The following CHRM5 variants were observed in gnomAD, a reference collection of about 807,000 sequenced individuals.
The protein encoded by CHRM5 is cholinergic receptor muscarinic 5, also known as muscarinic acetylcholine receptor M5.
In CHRM5, 18 loss-of-function variants were observed where a neutral mutation model predicts 39.0. That is an observed-to-expected ratio of 0.46 (90% CI 0.32 to 0.68). The LOEUF (loss-of-function observed/expected upper bound fraction) is 0.68, where lower values mean the gene tolerates loss of function less well. Ranked by LOEUF, CHRM5 falls within the 30% of genes least tolerant of loss-of-function variation. CHRM5 has a pLI of 0.04. For missense variants in CHRM5, 515 were observed against 651.1 expected (o/e 0.79, Z 2.28); for synonymous variants, 241 against 246.3 (o/e 0.98, Z 0.20).
chr15:34,058,119 G>A (rs1900219761), intron 2 of CHRM5, among the ~76,000 whole-genome samples: 2 of 152,146 alleles, frequency 1.3e-5, no homozygotes, highest in Admixed American at 6.6e-5. Context: ...CGGCACCTCA[G>A]TCTTCCCTTA....
At chr15:33,977,256 C>T (rs1052659752) in intron 1 of CHRM5, among the ~76,000 whole-genome samples, 17 of 151,908 alleles carry the variant, frequency 1.1e-4, no homozygotes, top group African/African-American at 4.1e-4. Context: ...TTTAGGATAA[C>T]AAGAACAAGC....
chr15:34,042,970 A>G (rs1413772287), intron 1 of CHRM5, among the ~76,000 whole-genome samples: 1 of 151,910 alleles, frequency 6.6e-6, no homozygotes, highest in Non-Finnish European at 1.5e-5. Flanking sequence ...TGGATTGGCC[A>G]GGCGCGGTGG....
chr15:33,991,198 G>A (rs865816767), intron 1 of CHRM5: 1 of 152,038 alleles, frequency 6.6e-6, no homozygotes, highest in African/African-American at 2.4e-5. Context: ...AGTGTTTGAC[G>A]GTATTAAATC....
At chr15:34,051,779 A>C (rs1043052130) in intron 2 of CHRM5, among the ~76,000 whole-genome samples, 1 of 152,136 alleles carries the variant, frequency 6.6e-6, no homozygotes, top group African/African-American at 2.4e-5. Context: ...CCCTCCCAAG[A>C]CTGAACCAAG....
In CHRM5 at chr15:34,003,149, A is replaced by C. The variant is rs1897204093; in HGVS notation, c.-408+33999A>C. ...CAGTTAGAGACAATCTTTCTTTTAG[A>C]ATAATTTCCCTGTTCATCATTCTCT... On this transcript the variant is annotated intron_variant, in intron 1 of 2. Transcript: ENST00000383263. 6.2e-7 allele frequency: 1 copy of C among 1,613,732 alleles called. No individual in the cohort carries two copies. Among genetic ancestry groups the C allele is most frequent in the Non-Finnish European group, 8.5e-7 (1 of 1,179,918 alleles).
intron 1 of CHRM5, among the ~76,000 whole-genome samples, chr15:34,038,550 T>C (rs1049504468): frequency 1.3e-5 from 2 of 151,308 alleles, no homozygotes; most frequent in Admixed American, 1.3e-4. Flanking sequence ...CTACCCCCAC[T>C]GTCTCGCGCC....
chr15:34,006,725 A>AC (rs1567462513), intron 1 of CHRM5, among the ~76,000 whole-genome samples: 1 of 152,178 alleles, frequency 6.6e-6, no homozygotes, highest in Non-Finnish European at 1.5e-5. Flanking sequence ...GGATCTCATT[A>AC]CCCCTACACA....
chr15:33,995,201 C>T (rs1455418991), intron 1 of CHRM5, among the ~76,000 whole-genome samples: 1 of 152,050 alleles, frequency 6.6e-6, no homozygotes, highest in Non-Finnish European at 1.5e-5. Context: ...GAGGTCAAGG[C>T]TGCAGTGAGC....
chr15:33,985,859 G>A (rs488762), intron 1 of CHRM5, among the ~76,000 whole-genome samples: 142,242 of 152,166 alleles, frequency 0.93, 67,083 homozygotes, highest in Non-Finnish European at 1. Flanking sequence ...TTCAAGAAAT[G>A]TTCAGTGAAA....
intron 1 of CHRM5, among the ~76,000 whole-genome samples, chr15:34,034,901 T>G (rs1899046209): frequency 2.6e-5 from 4 of 152,068 alleles, no homozygotes; most frequent in Admixed American, 2.6e-4. Context: ...AAAAGGAAAA[T>G]AAAGTCTAGA....
chr15:34,017,352 G>A (rs938130150), intron 1 of CHRM5, among the ~76,000 whole-genome samples: 1 of 151,792 alleles, frequency 6.6e-6, no homozygotes, highest in Admixed American at 6.6e-5. Flanking sequence ...ATTCCCCAAA[G>A]AATGACATTT....
At chr15:33,987,182 C>G (rs1012504333) in intron 1 of CHRM5, among the ~76,000 whole-genome samples, 1 of 152,188 alleles carries the variant, frequency 6.6e-6, no homozygotes, top group Non-Finnish European at 1.5e-5. Context: ...TGAGGATATT[C>G]TTTCCATCCC....
rs935270322 is a variant in CHRM5, at chr15:33,968,725, A to G, written c.-833A>G. On this transcript the variant is annotated 5_prime_UTR_variant, in exon 1 of 3. It adds an upstream start codon to the 5' untranslated region. Transcript: ENST00000383263. ...GAACATCCATGCTTCTAGTCCAGAT[A>G]ATGTTTTTTAAAGCAGCTTGATTTG... The G allele has an allele frequency of 2.6e-5, 4 of 152,106 alleles. No individual in the cohort carries two copies. The highest frequency in any genetic ancestry group is 5.9e-5 in the Non-Finnish European group (4 of 67,978). The allele number at this position is 152,106 out of a possible 1,614,324, so 9.4% of individuals were successfully genotyped here.
intron 2 of CHRM5, among the ~76,000 whole-genome samples, chr15:34,056,888 A>C (rs1044848115): frequency 2.6e-5 from 4 of 152,070 alleles, no homozygotes; most frequent in Admixed American, 6.6e-5. Context: ...ACCAGAAAAA[A>C]ATTAGCTAGG....
chr15:34,048,202 A>C (rs1466269888), intron 2 of CHRM5, among the ~76,000 whole-genome samples: 2 of 152,240 alleles, frequency 1.3e-5, no homozygotes, highest in African/African-American at 4.8e-5. Flanking sequence ...CAGGACCCGG[A>C]TCCATTCCTC....
chr15:33,976,655 G>A (rs948606946), intron 1 of CHRM5, among the ~76,000 whole-genome samples: 4 of 151,830 alleles, frequency 2.6e-5, no homozygotes. Context: ...AGGCATAATG[G>A]TATATCTCCA....
chr15:34,059,529 C>T (rs1900267535), intron 2 of CHRM5, among the ~76,000 whole-genome samples: 1 of 152,172 alleles, frequency 6.6e-6, no homozygotes, highest in Non-Finnish European at 1.5e-5. Flanking sequence ...TGACTTTTCT[C>T]TTAGGTCCTC....
At chr15:34,015,506 T>A (rs374379841) in intron 1 of CHRM5, among the ~76,000 whole-genome samples, 3 of 151,956 alleles carry the variant, frequency 2.0e-5, no homozygotes, top group African/African-American at 7.3e-5. Context: ...AATAAAAAAA[T>A]TCCACAAAAT....
At position 34,003,013 on chromosome 15, in the gene CHRM5, A is replaced by G. The variant is rs541255245; in HGVS notation, c.-408+33863A>G. 15 of 1,601,400 alleles carry G rather than the reference A, an allele frequency of 9.4e-6. No individual in the cohort carries two copies. In the Admixed American group the frequency reaches 1.8e-4, roughly 19 times the overall value. On this transcript the variant is annotated intron_variant, in intron 1 of 2. Transcript: ENST00000383263. The stretch of plus-strand genomic sequence containing the variant: ...ACTTTCAGAGCACTAAACAGTATGC[A>G]TGCAACTGGAATTCATACCTGCAGA...
Sources: allele counts gnomAD v4.1 joint callset (sites outside exome capture counted in the v4.1 genomes callset), GRCh38; gene constraint gnomAD v4.1.1; transcripts MANE v1.5; gene names NCBI Gene and HGNC (gene_info 2026-07-23, HGNC 2026-07-21).